EIPR1: variants seen among roughly 807,000 people sequenced by gnomAD.
The protein encoded by EIPR1 is EARP and GARP complex-interacting protein 1.
Under a neutral mutation model 48.1 loss-of-function variants are expected in EIPR1, and 25 were observed. That is an observed-to-expected ratio of 0.52 (90% CI 0.38 to 0.73). EIPR1 has a LOEUF of 0.73. Among genes scored for constraint, EIPR1 ranks in the 30% least tolerant of loss-of-function variants. The pLI, the probability that EIPR1 is intolerant of heterozygous loss-of-function variation, is 0.00. For missense variants in EIPR1, 415 were observed against 506.2 expected (o/e 0.82, Z 1.73); for synonymous variants, 204 against 201.9 (o/e 1.01, Z -0.09).
At chr2:3,225,332 ACCT>A (rs1305427112) in intron 4 of EIPR1, among the ~76,000 whole-genome samples, 1 of 150,652 alleles carries the variant, frequency 6.6e-6, no homozygotes, top group African/African-American at 2.4e-5. Context: ...TGCAGCCTTG[ACCT>A]CCTGGGTCCA....
intron 4 of EIPR1, among the ~76,000 whole-genome samples, chr2:3,235,293 CT>C (rs1314489670): frequency 6.6e-6 from 1 of 152,260 alleles, no homozygotes; most frequent in Non-Finnish European, 1.5e-5. Flanking sequence ...CCCTCAGCTC[CT>C]CCCTCTTCTT....
chr2:3,189,323 A>G lies in EIPR1; in HGVS notation c.*11T>C. 1 of 1,566,936 alleles carries G rather than the reference A, an allele frequency of 6.4e-7. No individual in the cohort carries two copies. Among genetic ancestry groups the G allele is most frequent in the Non-Finnish European group, 8.7e-7 (1 of 1,147,334 alleles). ...CCACTCAATGGGACCTGGATAACCCAGGCCCGGGAGTCATAGCAGGATGTG... is the reference window on the plus strand; with the variant it reads ...CCACTCAATGGGACCTGGATAACCCGGGCCCGGGAGTCATAGCAGGATGTG... On this transcript the variant is annotated 3_prime_UTR_variant, in exon 9 of 9. Transcript: ENST00000382125. This position sits in a 1 kb window ranked among gnomAD's most constrained non-coding sequence, Gnocchi z 4.6.
rs1281260509 is a variant in EIPR1, at chr2:3,194,171, G to A, written c.654-5C>T. On this transcript the variant is annotated splice_region_variant and splice_polypyrimidine_tract_variant and intron_variant, in intron 6 of 8. Coordinates refer to ENST00000382125, the MANE Select transcript of EIPR1 (RefSeq NM_003310.5). ...TTCTCTATGCAGTAGATCTGGCTGAGGGAGAAGGAAGAACAGCAAAGGAAA... is the reference window on the plus strand; with the variant it reads ...TTCTCTATGCAGTAGATCTGGCTGAAGGAGAAGGAAGAACAGCAAAGGAAA... 1.2e-6 allele frequency: 2 copies of A among 1,612,928 alleles called. No individual in the cohort carries two copies. Among genetic ancestry groups the A allele is most frequent in the Non-Finnish European group, 1.7e-6 (2 of 1,179,426 alleles).
At chr2:3,363,189 A>G (rs982145495) in intron 1 of EIPR1, among the ~76,000 whole-genome samples, 1 of 152,198 alleles carries the variant, frequency 6.6e-6, no homozygotes, top group Admixed American at 6.5e-5. Flanking sequence ...AAGATTCACC[A>G]TGAAAAGACC....
intron 4 of EIPR1, among the ~76,000 whole-genome samples, chr2:3,255,205 T>TA (rs1368464203): frequency 7.3e-6 from 1 of 137,044 alleles, no homozygotes; most frequent in Non-Finnish European, 1.6e-5. Flanking sequence ...TTTTTTTTTT[T>TA]AGACGGAGTC....
intron 3 of EIPR1, among the ~76,000 whole-genome samples, chr2:3,291,607 T>C (rs1418259588): frequency 1.3e-5 from 2 of 152,298 alleles, no homozygotes; most frequent in East Asian, 3.9e-4. Flanking sequence ...TCTGCATCCA[T>C]TTGTCTTGAG....
intron 2 of EIPR1, among the ~76,000 whole-genome samples, chr2:3,349,609 A>T (rs2103368080): frequency 6.6e-6 from 1 of 151,582 alleles, no homozygotes; most frequent in African/African-American, 2.4e-5. Context: ...GGGGACAGGG[A>T]GGACGCCGGG....
At chr2:3,211,328 A>C (rs867660162) in intron 5 of EIPR1, among the ~76,000 whole-genome samples, 1 of 152,110 alleles carries the variant, frequency 6.6e-6, no homozygotes, top group Non-Finnish European at 1.5e-5. Context: ...GAGAACAAGA[A>C]AGATGAAAAC....
chr2:3,290,976 A>G (rs765664596), intron 3 of EIPR1, among the ~76,000 whole-genome samples: 2 of 152,218 alleles, frequency 1.3e-5, no homozygotes, highest in South Asian at 4.1e-4. Context: ...GACTCTTCAC[A>G]TTCCACGGGC....
intron 5 of EIPR1, among the ~76,000 whole-genome samples, chr2:3,201,700 A>G (rs1665041309): frequency 6.6e-6 from 1 of 152,252 alleles, no homozygotes; most frequent in Non-Finnish European, 1.5e-5. Context: ...ACGCTAAGCC[A>G]CAAGAAAACC....
chr2:3,237,221 T>TACACACACACACACACACACACACACAC (rs35498711), intron 4 of EIPR1, among the ~76,000 whole-genome samples: 1 of 127,750 alleles, frequency 7.8e-6, no homozygotes, highest in Admixed American at 7.9e-5. Context: ...TTTTGAAAAC[T>TACACACACACACACACACACACACACAC]ACACACACAC....
intron 1 of EIPR1, among the ~76,000 whole-genome samples, chr2:3,368,829 T>C (rs1671038384): frequency 6.6e-6 from 1 of 152,186 alleles, no homozygotes; most frequent in Admixed American, 6.5e-5. Flanking sequence ...CAAATATAAT[T>C]ATAAAAAAAT....
chr2:3,305,404 CTCCAATCCCATCTAGTTCAACCT>C, intron 3 of EIPR1, among the ~76,000 whole-genome samples: 1 of 150,704 alleles, frequency 6.6e-6, no homozygotes, highest in South Asian at 2.1e-4. Context: ...CAGTTCAACC[CTCCAATCCCATCTAGTTCAACCT>C]TCCACTCCCG....
intron 3 of EIPR1, among the ~76,000 whole-genome samples, chr2:3,310,295 C>G (rs929661613): frequency 2.6e-5 from 4 of 152,116 alleles, no homozygotes; most frequent in African/African-American, 9.7e-5. Flanking sequence ...TTATAAAAAT[C>G]TTCCTTTTTA....
At chr2:3,354,298 T>C (rs1441709930) in intron 2 of EIPR1, among the ~76,000 whole-genome samples, 1 of 152,228 alleles carries the variant, frequency 6.6e-6, no homozygotes, top group East Asian at 1.9e-4. Flanking sequence ...GCCAAATCTA[T>C]ATAACCACAA....
chr2:3,274,545 AT>A (rs1364668086), intron 3 of EIPR1: 9 of 1,292,106 alleles, frequency 7.0e-6, no homozygotes, highest in Non-Finnish European at 9.0e-6. Context: ...AACCATGAGA[AT>A]TTACCTCCAA....
chr2:3,212,425 T>C (rs1010029357), intron 5 of EIPR1, among the ~76,000 whole-genome samples: 1 of 152,122 alleles, frequency 6.6e-6, no homozygotes, highest in African/African-American at 2.4e-5. Context: ...CTGGGCCCTC[T>C]GCCCAAGTGT....
At chr2:3,251,068 C>T (rs886172190) in intron 4 of EIPR1, among the ~76,000 whole-genome samples, 1 of 151,940 alleles carries the variant, frequency 6.6e-6, no homozygotes, top group East Asian at 1.9e-4. Context: ...ATAGTTAAAA[C>T]ATTACACTAG....
intron 3 of EIPR1, among the ~76,000 whole-genome samples, chr2:3,328,581 ACT>A (rs1558301558): frequency 7.5e-6 from 1 of 133,916 alleles, no homozygotes; most frequent in Non-Finnish European, 1.6e-5. Context: ...CCTGGATCAG[ACT>A]CTACCCACCA....
Sources: allele counts gnomAD v4.1 joint callset (sites outside exome capture counted in the v4.1 genomes callset), GRCh38; gene constraint gnomAD v4.1.1; non-coding constraint Gnocchi (gnomAD v3.1); transcripts MANE v1.5; gene names NCBI Gene and HGNC (gene_info 2026-07-23, HGNC 2026-07-21).